The following PCDHA13 variants were observed in gnomAD, a reference collection of about 807,000 sequenced individuals.
The protein encoded by PCDHA13 is protocadherin alpha 13, also known as protocadherin alpha-13.
A neutral mutation model predicts 64.8 loss-of-function variants in PCDHA13; 54 were observed. The ratio of observed to expected loss-of-function variants is 0.83; its 90% CI spans 0.67 to 1.04. The LOEUF (loss-of-function observed/expected upper bound fraction) is 1.04. Ranked by LOEUF, PCDHA13 falls within the 50% of genes least tolerant of loss-of-function variation. The pLI is 0.00. For synonymous variants in PCDHA13, 587 were observed against 564.4 expected, an observed-to-expected ratio of 1.04 and a Z score of -0.57; for missense variants, 1,248 against 1,254.3, an observed-to-expected ratio of 0.99 and a Z score of 0.08.
rs782699546 is a variant in PCDHA13, at chr5:140,883,143, C to A, written c.875C>A (p.Ala292Glu). 2 of 1,614,042 alleles carry A rather than the reference C, an allele frequency of 1.2e-6. No homozygotes were observed. The highest frequency in any genetic ancestry group is 1.1e-5 in the South Asian group (1 of 91,076). Residue 292 changes from alanine (A) to glutamate (E), a missense_variant, in exon 1 of 4, where the codon GCA (alanine) becomes GAA (glutamate). By Grantham distance (107) the Ala-to-Glu change is moderately radical. Transcript: ENST00000289272. Reference sequence around the variant, plus strand: ...CCTGTATGGCCTGCAGTGGTATATGCATTTACCATAAATCCGAACAATGGA... The same window carrying A: ...CCTGTATGGCCTGCAGTGGTATATGAATTTACCATAAATCCGAACAATGGA... ...RRPVWPAVVY[A>E]FTINPNNGEI...
At position 141,010,430 on chromosome 5, in the gene PCDHA13, A is replaced by T; in HGVS notation, c.*493A>T. On this transcript the variant is annotated 3_prime_UTR_variant, in exon 4 of 4. Transcript: ENST00000289272. ...CTAATTGGTACAAGGAAGGCAAGAA[A>T]ACAAAGACAAATAAACAGCGGAAGT... 9.4e-7 allele frequency: 1 copy of T among 1,058,474 alleles called. No homozygotes were observed. Among genetic ancestry groups the T allele is most frequent in the Non-Finnish European group, 1.3e-6 (1 of 756,992 alleles). 65.6% of individuals were successfully genotyped at this position (1,058,474 alleles called of 1,614,324 possible). A position where few individuals can be genotyped will look rare whatever the true frequency, so the allele number is the denominator to read the frequency against.
chr5:141,005,731 A>AAAAAAG (rs2098235322), intron 3 of PCDHA13, among the ~76,000 whole-genome samples: 2 of 149,106 alleles, frequency 1.3e-5, no homozygotes, highest in East Asian at 1.9e-4. Flanking sequence ...AAAAAAAAAA[A>AAAAAAG]GAATGGATGA....
rs782017107 is a variant in PCDHA13 at position 140,968,690 on chromosome 5, A to G, written c.2395-10259A>G. ...TAAGGTAGAGCTGCACACAGGAGAAATTAGGACTACCAGGAAGATGGGAGA... is the reference window on the plus strand; with the variant it reads ...TAAGGTAGAGCTGCACACAGGAGAAGTTAGGACTACCAGGAAGATGGGAGA... On this transcript the variant is annotated intron_variant, in intron 1 of 3. Transcript: ENST00000289272. 60 of 1,614,030 alleles carry G rather than the reference A, an allele frequency of 3.7e-5. No individual in the cohort carries two copies. The highest frequency in any genetic ancestry group is 4.8e-5 in the Non-Finnish European group (57 of 1,180,040).
intron 1 of PCDHA13, among the ~76,000 whole-genome samples, chr5:140,975,935 C>T (rs1351802479): frequency 6.6e-6 from 1 of 152,060 alleles, no homozygotes; most frequent in East Asian, 1.9e-4. Flanking sequence ...ACCTTTGAAG[C>T]AATAGGACAT....
intron 1 of PCDHA13, among the ~76,000 whole-genome samples, chr5:140,903,309 A>C (rs1435676177): frequency 6.6e-6 from 1 of 152,226 alleles, no homozygotes; most frequent in Non-Finnish European, 1.5e-5. Context: ...GTATACAATA[A>C]AGACAGCATT....
At chr5:140,967,362 C>A (rs1385889243) in intron 1 of PCDHA13, 2 of 1,607,452 alleles carry the variant, frequency 1.2e-6, no homozygotes, top group East Asian at 2.2e-5. Flanking sequence ...GACCTTAAGC[C>A]CCTGCAGGAG....
At position 140,883,107 on chromosome 5, in the gene PCDHA13, C is replaced by T; in HGVS notation, c.839C>T (p.Ser280Leu). Reference protein sequence around the residue: ...DDGTNGDIVYSFRRPVWPAVV... With the variant: ...DDGTNGDIVYLFRRPVWPAVV... The stretch of plus-strand genomic sequence containing the variant: ...GGTACAAATGGAGATATAGTTTACT[C>T]ATTTAGAAGGCCTGTATGGCCTGCA... The change falls in exon 1 of 4, where the codon TCA (serine) becomes TTA (leucine). Residue 280 changes from serine to leucine, a missense_variant. Ser to Leu is a moderately radical substitution (Grantham distance 145, BLOSUM62 -2). Transcript: ENST00000289272. 1 of 1,614,064 alleles carries T rather than the reference C, an allele frequency of 6.2e-7. No homozygotes were observed.
At chr5:140,895,730 A>G (rs781978402) in intron 1 of PCDHA13, among the ~76,000 whole-genome samples, 4 of 152,280 alleles carry the variant, frequency 2.6e-5, no homozygotes, top group Middle Eastern at 3.4e-3. Flanking sequence ...CCTCCATTCA[A>G]TGGGCTGCAA....
rs1554181312 is a variant in PCDHA13, at chr5:140,884,185, G to T, written c.1917G>T (p.Glu639Asp). 6.2e-7 allele frequency: 1 copy of T among 1,613,444 alleles called. No homozygotes were observed. Reference sequence around the variant, plus strand: ...TCAGCACGACGCGCCCTCTGGACGAGGTGGACGCGCCGCACCACCGCCTTC... The same window carrying T: ...TCAGCACGACGCGCCCTCTGGACGATGTGGACGCGCCGCACCACCGCCTTC... ...GEISTTRPLD[E>D]VDAPHHRLLV... The change falls in exon 1 of 4, where the codon GAG becomes GAT. Residue 639 changes from glutamate to aspartate, a missense_variant. By Grantham distance (45) the Glu-to-Asp change is conservative. Coordinates refer to ENST00000289272, the MANE Select transcript of PCDHA13 (RefSeq NM_018904.3).
intron 1 of PCDHA13, chr5:140,967,346 G>C (rs1332345482): frequency 6.2e-7 from 1 of 1,607,970 alleles, no homozygotes; most frequent in Non-Finnish European, 8.5e-7. Context: ...CGAGCACTTC[G>C]AGCTGGACCT....
chr5:140,967,503 G>A (rs369053625), intron 1 of PCDHA13: 14 of 1,612,820 alleles, frequency 8.7e-6, no homozygotes, highest in African/African-American at 2.7e-5. Flanking sequence ...ATCTCTGTGC[G>A]TGTCCTGGAC....
chr5:140,913,781 A>G (rs1554196050), intron 1 of PCDHA13, among the ~76,000 whole-genome samples: 2 of 151,976 alleles, frequency 1.3e-5, no homozygotes, highest in African/African-American at 4.8e-5. Flanking sequence ...TTGTGTTTCC[A>G]TTATCATTTG....
Position 140,884,487 on chromosome 5 carries a change from T to G in PCDHA13, c.2219T>G (p.Val740Gly), listed in dbSNP as rs374963144. 1.9e-6 allele frequency: 3 copies of G among 1,613,832 alleles called. No homozygotes were observed. Among genetic ancestry groups the G allele is most frequent in the Non-Finnish European group, 1.7e-6 (2 of 1,179,914 alleles). The change falls in exon 1 of 4, where the codon GTG (valine) becomes GGG (glycine). Residue 740 changes from valine to glycine, a missense_variant. By Grantham distance (109) the Val-to-Gly change is moderately radical. Transcript: ENST00000289272. ...TGCGCGCCGGGCAAGCCCACTCTAG[T>G]GTGCTCCAGCGCGGCAGGGAGTTGG... is the stretch of plus-strand genomic sequence containing the variant. ...GACAPGKPTLVCSSAAGSWSY... is the reference protein window; with the variant it reads ...GACAPGKPTLGCSSAAGSWSY...
chr5:140,968,489 C>T (rs1024952304), intron 1 of PCDHA13: 30 of 1,614,008 alleles, frequency 1.9e-5, no homozygotes, highest in Non-Finnish European at 2.5e-5. Context: ...CATGAATGAC[C>T]ATGCCCCTCA....
intron 1 of PCDHA13, chr5:140,927,149 T>C: frequency 1.2e-6 from 2 of 1,614,168 alleles, no homozygotes; most frequent in Non-Finnish European, 1.7e-6. Context: ...CGCGAACAGC[T>C]GTGCAGGGCC....
intron 1 of PCDHA13, among the ~76,000 whole-genome samples, chr5:140,900,589 C>T (rs782244593): frequency 1.5e-4 from 23 of 152,164 alleles, no homozygotes; most frequent in South Asian, 1.2e-3. Flanking sequence ...TTTCTTTACC[C>T]GTTCATCTGA....
intron 1 of PCDHA13, among the ~76,000 whole-genome samples, chr5:140,945,070 C>T (rs2093734077): frequency 6.6e-6 from 1 of 151,960 alleles, no homozygotes; most frequent in African/African-American, 2.4e-5. Context: ...ACAGACTCCA[C>T]CAAAACACTC....
In PCDHA13 at chr5:141,010,350, G is replaced by A; in HGVS notation, c.*413G>A. The A allele has an allele frequency of 6.6e-7, 1 of 1,515,722 alleles. No individual in the cohort carries two copies. Among genetic ancestry groups the A allele is most frequent in the Non-Finnish European group, 8.8e-7 (1 of 1,132,152 alleles). The allele number at this position is 1,515,722 out of a possible 1,614,324, so 93.9% of individuals were successfully genotyped here. A position where few individuals can be genotyped will look rare whatever the true frequency, so the allele number is the denominator to read the frequency against. ...GGGAGTTTGTGGCCACTGGGTATGT[G>A]TGGCTACCGCGGGTATGCGAGTGCC... is the stretch of plus-strand genomic sequence containing the variant. On this transcript the variant is annotated 3_prime_UTR_variant, in exon 4 of 4. Transcript: ENST00000289272.
At chr5:140,968,845 G>A in intron 1 of PCDHA13, 1 of 1,614,176 alleles carries the variant, frequency 6.2e-7, no homozygotes. Flanking sequence ...ACACTCAGAG[G>A]CATGTTAAGA....
Sources: allele counts gnomAD v4.1 joint callset (sites outside exome capture counted in the v4.1 genomes callset), GRCh38; gene constraint gnomAD v4.1.1; transcripts MANE v1.5; gene names NCBI Gene and HGNC (gene_info 2026-07-23, HGNC 2026-07-21).